Variants in SLC29A4 observed in about 807,000 individuals in gnomAD.
SLC29A4 encodes equilibrative nucleoside transporter 4.
In SLC29A4, 36 loss-of-function variants were observed where a neutral mutation model predicts 43.9. That is an observed-to-expected ratio of 0.82 (90% confidence interval 0.63 to 1.08). The LOEUF (loss-of-function observed/expected upper bound fraction) is 1.08. Ranked by LOEUF, SLC29A4 falls within the 50% of genes least tolerant of loss-of-function variation. The pLI, the probability that SLC29A4 is intolerant of heterozygous loss-of-function variation, is 0.00. For synonymous variants in SLC29A4, 491 were observed against 338.0 expected (o/e 1.45, Z -4.97); for missense variants, 869 against 755.3 (o/e 1.15, Z -1.77).
At chr7:5,298,214 C>T (rs3902962) in intron 7 of SLC29A4, among the ~76,000 whole-genome samples, 27,511 of 152,156 alleles carry the variant, frequency 0.18, 3,294 homozygotes, top group East Asian at 0.54. Flanking sequence ...CCCCCAGACC[C>T]AGAGAGGGGC....
intron 10 of SLC29A4, among the ~76,000 whole-genome samples, chr7:5,300,978 G>A (rs113006654): frequency 3.9e-5 from 6 of 152,322 alleles, no homozygotes; most frequent in African/African-American, 1.4e-4. Context: ...GGCAGCCCAG[G>A]CCGGGCACAG....
intron 1 of SLC29A4, among the ~76,000 whole-genome samples, chr7:5,287,530 C>T (rs1241896227): frequency 6.6e-6 from 1 of 152,222 alleles, no homozygotes; most frequent in East Asian, 1.9e-4. Context: ...ACAGTCCCGG[C>T]CGCATGGCAT....
chr7:5,283,158 TCCCCCGCCCC>T (rs1784749108), intron 1 of SLC29A4, 76 bp downstream of exon 1: 1 of 148,022 alleles, frequency 6.8e-6, no homozygotes, highest in South Asian at 2.1e-4. Context: ...GCGCGCGGCT[TCCCCCGCCCC>T]CTCCCGCCCG....
At chr7:5,295,971 G>A (rs1191011896) in intron 6 of SLC29A4, among the ~76,000 whole-genome samples, 2 of 152,086 alleles carry the variant, frequency 1.3e-5, no homozygotes, top group African/African-American at 2.4e-5. Flanking sequence ...GACCCACCCT[G>A]CCTCACACTG....
intron 10 of SLC29A4, among the ~76,000 whole-genome samples, chr7:5,301,536 G>A (rs1471697648): frequency 2.0e-5 from 3 of 152,194 alleles, no homozygotes; most frequent in Non-Finnish European, 4.4e-5. Context: ...CGGCACTGAG[G>A]CCAGGGGATG....
chr7:5,283,436 G>A (rs1009882113), intron 1 of SLC29A4, among the ~76,000 whole-genome samples: 1 of 151,994 alleles, frequency 6.6e-6, no homozygotes, highest in African/African-American at 2.4e-5. Context: ...CTCGTTCTCG[G>A]AAAAAGCGGC....
At chr7:5,284,044 A>G (rs115892289) in intron 1 of SLC29A4, among the ~76,000 whole-genome samples, 1 of 27,814 alleles carries the variant, frequency 3.6e-5, no homozygotes, top group Non-Finnish European at 9.0e-5. Context: ...CCCCCCCCCC[A>G]CCCCCGACTT....
chr7:5,302,270 G>C (rs1461075927), intron 10 of SLC29A4, among the ~76,000 whole-genome samples: 1 of 152,208 alleles, frequency 6.6e-6, no homozygotes, highest in African/African-American at 2.4e-5. Flanking sequence ...GATTAAAATG[G>C]GGAGGGTTAG....
Position 5,297,217 on chromosome 7 carries a change from C to T in SLC29A4, c.882+19C>T. On this transcript the variant is annotated intron_variant, in intron 7 of 10. Coordinates refer to ENST00000396872, the MANE Select transcript of SLC29A4 (RefSeq NM_153247.4). ...CCACTTCGTAAGTGCGCACCGCCCA[C>T]CTCTGTTCCCTTCTCTGTCCCCTTC... 6.5e-7 allele frequency: 1 copy of T among 1,547,638 alleles called. No individual in the cohort carries two copies.
chr7:5,299,649 G>C (rs1785990855), intron 9 of SLC29A4, among the ~76,000 whole-genome samples: 1 of 152,236 alleles, frequency 6.6e-6, no homozygotes, highest in African/African-American at 2.4e-5. Flanking sequence ...CATCTGGGAG[G>C]ACAGGCGTGG....
At position 5,302,889 on chromosome 7, in the gene SLC29A4, A is replaced by T; in HGVS notation, c.1543A>T (p.Ser515Cys). The T allele has an allele frequency of 6.2e-7, 1 of 1,605,736 alleles. No individual in the cohort carries two copies. Among genetic ancestry groups the T allele is most frequent in the South Asian group, 1.1e-5 (1 of 89,642 alleles). ...CAGCCTCACCCGCGACGCTCACGGC[A>T]GCTGCCTGCACGCCTCCACCGCCAA... The part of the protein sequence containing the change: ...TYSLTRDAHG[S>C]CLHASTANGS... Residue 515 changes from serine (S) to cysteine (C), a missense_variant, in exon 11 of 11, where the codon AGC (serine) becomes TGC (cysteine). Transcript: ENST00000396872.
chr7:5,302,674 G>C (rs1258278912), intron 10 of SLC29A4, 123 bp from the exon 11 acceptor site: 2 of 939,144 alleles, frequency 2.1e-6, no homozygotes. Flanking sequence ...AGGAGCGATG[G>C]GGCAGCGGGT....
intron 1 of SLC29A4, among the ~76,000 whole-genome samples, chr7:5,284,952 C>A (rs930642375): frequency 6.6e-6 from 1 of 152,218 alleles, no homozygotes; most frequent in Non-Finnish European, 1.5e-5. Context: ...GGGGCTCTTG[C>A]TGAACACAGA....
chr7:5,287,578 C>G (rs1785038803), intron 1 of SLC29A4, among the ~76,000 whole-genome samples: 1 of 152,238 alleles, frequency 6.6e-6, no homozygotes, highest in Admixed American at 6.5e-5. Flanking sequence ...GGTTTAGGCC[C>G]TTGCCTAAGG....
chr7:5,288,374 G>A (rs1308520165), intron 2 of SLC29A4, among the ~76,000 whole-genome samples: 3 of 127,422 alleles, frequency 2.4e-5, no homozygotes, highest in South Asian at 2.4e-4. Context: ...GTGCAATCTC[G>A]GCTCACTGCA....
intron 7 of SLC29A4, among the ~76,000 whole-genome samples, chr7:5,297,583 C>T (rs545461894): frequency 1.3e-5 from 2 of 152,248 alleles, no homozygotes; most frequent in Non-Finnish European, 2.9e-5. Flanking sequence ...GCTGCGCCAA[C>T]CCACGTTGGA....
Position 5,300,478 on chromosome 7 carries a change from C to T in SLC29A4, c.1266C>T (p.Cys422=), listed in dbSNP as rs553825189. 237 of 1,611,724 alleles carry T rather than the reference C, an allele frequency of 1.5e-4. 1 individual carries two copies. In the Admixed American group the frequency reaches 3.8e-3, roughly 26 times the overall value. ...WRGTHLLACS[C]LRVVFIPLFI... is the part of the protein sequence containing the mutation. ...GCACCCACCTGCTGGCCTGCTCCTG[C>T]CTGCGTGTGGTCTTCATCCCCCTCT... The change falls in exon 10 of 11, where the codon TGC becomes TGT. Residue 422 remains cysteine (C), a synonymous_variant. Coordinates refer to ENST00000396872, the MANE Select transcript of SLC29A4 (RefSeq NM_153247.4).
chr7:5,290,810 T>C lies in SLC29A4; in HGVS notation c.248T>C (p.Leu83Pro). 5 of 1,614,068 alleles carry C rather than the reference T, an allele frequency of 3.1e-6. No homozygotes were observed. The highest frequency in any genetic ancestry group is 4.2e-6 in the Non-Finnish European group (5 of 1,179,982). ...AMLLAGVGFL[L>P]PYNSFITDVD... is the part of the protein sequence containing the mutation. Reference sequence around the variant, plus strand: ...CTGCTGGCTGGCGTGGGCTTCCTGCTGCCATACAACAGCTTCATCACGGAC... The same window carrying C: ...CTGCTGGCTGGCGTGGGCTTCCTGCCGCCATACAACAGCTTCATCACGGAC... The change falls in exon 3 of 11, where the codon CTG becomes CCG. Residue 83 changes from leucine (L) to proline (P), a missense_variant. Physicochemically the swap from Leu to Pro is moderately conservative, Grantham distance 98. Coordinates refer to ENST00000396872, the MANE Select transcript of SLC29A4 (RefSeq NM_153247.4).
intron 1 of SLC29A4, among the ~76,000 whole-genome samples, chr7:5,286,509 C>A (rs1400886487): frequency 2.8e-5 from 4 of 142,240 alleles, no homozygotes; most frequent in Non-Finnish European, 6.0e-5. Context: ...GGCGACAGAG[C>A]AAGACTCCAT....
Sources: gnomAD v4.1 joint callset for allele counts (sites outside exome capture counted in the v4.1 genomes callset) on GRCh38, gnomAD v4.1.1 for gene constraint, MANE v1.5 for transcripts, NCBI Gene and HGNC (gene_info 2026-07-23, HGNC 2026-07-21) for gene names.